Variants in KDM2A observed in about 807,000 individuals in gnomAD.
The protein encoded by KDM2A is lysine demethylase 2A.
A neutral mutation model predicts 137.3 loss-of-function variants in KDM2A; 3 were observed. The ratio of observed to expected loss-of-function variants is 0.02; its 90% CI spans 0.01 to 0.06. The LOEUF is 0.06. Ranked by LOEUF, KDM2A falls within the 10% of genes least tolerant of loss-of-function variation. The pLI is 1.00. For synonymous variants in KDM2A, 512 were observed against 541.5 expected, an observed-to-expected ratio of 0.95 and a Z score of 0.76; for missense variants, 738 against 1,510.6, an observed-to-expected ratio of 0.49 and a Z score of 8.48.
In KDM2A at chr11:67,177,666, T is replaced by C. The variant is rs78382104; in HGVS notation, c.43-2413T>C. Among the ~76,000 whole-genome samples, 854 of 151,922 alleles carry C rather than the reference T, an allele frequency of 5.6e-3. 3 individuals carry two copies. Among genetic ancestry groups the C allele is most frequent in the African/African-American group, 0.02 (833 of 41,412 alleles). On this transcript the variant is annotated intron_variant, in intron 2 of 20. Transcript: ENST00000529006. ...ACAATGCCTTCTTTTGGATACCTCC[T>C]AAGAGACCTCCCTGAGGCTGTTTTA...
chr11:67,229,996 G>A (rs1256268706), intron 11 of KDM2A, among the ~76,000 whole-genome samples: 1 of 152,054 alleles, frequency 6.6e-6, no homozygotes, highest in Admixed American at 6.6e-5. Flanking sequence ...CTAACATGGT[G>A]AAACCCCGTC....
intron 2 of KDM2A, among the ~76,000 whole-genome samples, chr11:67,176,180 T>C (rs984349322): frequency 2.0e-5 from 3 of 152,216 alleles, no homozygotes; most frequent in Middle Eastern, 3.2e-3. Context: ...TTCCCTTTTG[T>C]GTTTTTGCCT....
chr11:67,242,301 TGTGA>T (rs1216854680), intron 12 of KDM2A, among the ~76,000 whole-genome samples: 142 of 151,346 alleles, frequency 9.4e-4, no homozygotes, highest in Non-Finnish European at 1.1e-3. Flanking sequence ...TGTGTGTGTG[TGTGA>T]GAGAGAGAGA....
Position 67,255,000 on chromosome 11 carries a change from C to G in KDM2A, c.3434C>G (p.Ser1145Cys). The G allele has an allele frequency of 6.2e-7, 1 of 1,613,444 alleles. No individual in the cohort carries two copies. The highest frequency in any genetic ancestry group is 8.5e-7 in the Non-Finnish European group (1 of 1,179,660). Residue 1145 changes from serine (S) to cysteine (C), a missense_variant, in exon 21 of 21, where the codon TCC becomes TGC. Coordinates refer to ENST00000529006, the MANE Select transcript of KDM2A (RefSeq NM_012308.3). The surrounding 1 kb of genome is among the most constrained non-coding windows in gnomAD (Gnocchi z 4.7). ...KACEHFISDL[S>C]INSLYCLSDE... ...TGCGAGCACTTCATCTCAGACTTGT[C>G]CATCAACAGCCTCTACTGCCTGTCT...
intron 2 of KDM2A, among the ~76,000 whole-genome samples, chr11:67,156,382 A>G (rs1856515438): frequency 6.6e-6 from 1 of 152,020 alleles, no homozygotes; most frequent in Admixed American, 6.6e-5. Flanking sequence ...CAGGAGATCA[A>G]GACCATCCTG....
intron 12 of KDM2A, among the ~76,000 whole-genome samples, chr11:67,242,405 C>A (rs940435225): frequency 1.3e-5 from 2 of 152,150 alleles, no homozygotes; most frequent in Non-Finnish European, 2.9e-5. Context: ...CTGTACCATT[C>A]ATCTCATTAA....
At position 67,217,714 on chromosome 11, in the gene KDM2A, A is replaced by C. The variant is rs776370457; in HGVS notation, c.688-17A>C. The C allele has an allele frequency of 2.5e-6, 4 of 1,612,820 alleles. No homozygotes were observed. The highest frequency in any genetic ancestry group is 3.4e-6 in the Non-Finnish European group (4 of 1,179,406). ...ATGTCAATGGCTGTTAACAGACTAA[A>C]GTTTTTTAACTCACAGGTCTTCTGG... On this transcript the variant is annotated splice_polypyrimidine_tract_variant and intron_variant, in intron 8 of 20. Transcript: ENST00000529006.
chr11:67,192,279 C>T (rs1221097526), intron 5 of KDM2A, among the ~76,000 whole-genome samples: 3 of 151,996 alleles, frequency 2.0e-5, no homozygotes, highest in African/African-American at 4.8e-5. Flanking sequence ...TGTTTTTAAA[C>T]ATTAACAAAT....
At chr11:67,152,941 TGTGTGTGTGTG>T (rs745348986) in intron 2 of KDM2A, among the ~76,000 whole-genome samples, 15 of 148,862 alleles carry the variant, frequency 1.0e-4, no homozygotes, top group Non-Finnish European at 2.1e-4. Context: ...TGTGTGTGTG[TGTGTGTGTGTG>T]TTTTCAGGAA....
chr11:67,151,267 TA>T (rs1234050476), intron 2 of KDM2A, among the ~76,000 whole-genome samples: 1 of 152,184 alleles, frequency 6.6e-6, no homozygotes, highest in Non-Finnish European at 1.5e-5. Context: ...TGGTAGCCAC[TA>T]GCCACAGGTT....
At chr11:67,212,876 A>G (rs571684454) in intron 6 of KDM2A, among the ~76,000 whole-genome samples, 1 of 152,282 alleles carries the variant, frequency 6.6e-6, no homozygotes, top group South Asian at 2.1e-4. Flanking sequence ...TTTATTCATT[A>G]TTCTGTTAAA....
At chr11:67,168,945 C>T (rs895713049) in intron 2 of KDM2A, among the ~76,000 whole-genome samples, 2 of 143,822 alleles carry the variant, frequency 1.4e-5, no homozygotes, top group Non-Finnish European at 3.0e-5. Context: ...AGATTTAATC[C>T]ATGTAGTTTT....
At chr11:67,241,371 G>A (rs549797248) in intron 12 of KDM2A, among the ~76,000 whole-genome samples, 1 of 152,294 alleles carries the variant, frequency 6.6e-6, no homozygotes, top group South Asian at 2.1e-4. Flanking sequence ...TTGGGGGAAG[G>A]TGAGAGGCAT....
intron 16 of KDM2A, 118 bp from the exon 17 acceptor site, chr11:67,249,968 C>T (rs1276839533): frequency 1.5e-6 from 1 of 678,700 alleles, no homozygotes; most frequent in Non-Finnish European, 2.1e-6. Flanking sequence ...ATGACCCCCT[C>T]TCCAACGTGA....
Position 67,216,052 on chromosome 11 carries a change from A to T in KDM2A, c.687+103A>T, listed in dbSNP as rs1020036797. On this transcript the variant is annotated intron_variant, in intron 8 of 20. Transcript: ENST00000529006. ...TACCCTGGAAATGAATCTGTTAGGG[A>T]ATTGTCCCCATTCGTATCTGGAAAG... 5.8e-6 allele frequency: 5 copies of T among 864,132 alleles called. No homozygotes were observed. In the Admixed American group the frequency reaches 9.1e-5, roughly 16 times the overall value. The allele number at this position is 864,132 out of a possible 1,614,324, so 53.5% of individuals were successfully genotyped here. A position where few individuals can be genotyped will look rare whatever the true frequency, so the allele number is the denominator to read the frequency against.
At chr11:67,150,317 G>A (rs575612793) in intron 2 of KDM2A, among the ~76,000 whole-genome samples, 1 of 152,272 alleles carries the variant, frequency 6.6e-6, no homozygotes, top group South Asian at 2.1e-4. Flanking sequence ...AGTAAAAAAT[G>A]ATGTTTTCTT....
At chr11:67,138,653 C>T (rs1476067611) in intron 2 of KDM2A, among the ~76,000 whole-genome samples, 1 of 152,116 alleles carries the variant, frequency 6.6e-6, no homozygotes, top group Non-Finnish European at 1.5e-5. Flanking sequence ...TGGTGGTGTG[C>T]ACCTGTAATC....
At chr11:67,221,026 A>G (rs1243825454) in intron 10 of KDM2A, among the ~76,000 whole-genome samples, 1 of 152,074 alleles carries the variant, frequency 6.6e-6, no homozygotes, top group Non-Finnish European at 1.5e-5. Flanking sequence ...CCGAAAAAAA[A>G]AAAAAAAGGT....
At chr11:67,144,268 T>C (rs1429713450) in intron 2 of KDM2A, among the ~76,000 whole-genome samples, 16 of 150,210 alleles carry the variant, frequency 1.1e-4, no homozygotes, top group Admixed American at 8.0e-4. Context: ...TTTTTTTTTT[T>C]CAAGACAGAG....
Sources: gnomAD v4.1 joint callset for allele counts (sites outside exome capture counted in the v4.1 genomes callset) on GRCh38, gnomAD v4.1.1 for gene constraint, Gnocchi (gnomAD v3.1) non-coding constraint, MANE v1.5 for transcripts, NCBI Gene and HGNC (gene_info 2026-07-23, HGNC 2026-07-21) for gene names.